The following SLC27A6 variants were observed in gnomAD, a reference collection of about 807,000 sequenced individuals.
SLC27A6 encodes the protein long-chain fatty acid transport protein 6.
In SLC27A6, 74 loss-of-function variants were observed where a neutral mutation model predicts 63.9. The ratio of observed to expected loss-of-function variants is 1.16; its 90% CI spans 0.96 to 1.40. SLC27A6 has a LOEUF of 1.40. SLC27A6 is among the 40% of genes most tolerant of loss of function. The pLI, the probability that SLC27A6 is intolerant of heterozygous loss-of-function variation, is 0.00. For missense variants in SLC27A6, 794 were observed against 732.9 expected (o/e 1.08, Z -0.96); for synonymous variants, 287 against 260.8 (o/e 1.10, Z -0.97).
intron 1 of SLC27A6, among the ~76,000 whole-genome samples, chr5:128,982,970 C>T (rs182226266): frequency 7.1e-4 from 108 of 152,256 alleles, no homozygotes; most frequent in Non-Finnish European, 1.2e-3. Context: ...TGCTTAGTCC[C>T]ACTTGACATA....
chr5:129,018,481 G>A (rs963042382), intron 5 of SLC27A6, among the ~76,000 whole-genome samples: 6 of 151,996 alleles, frequency 3.9e-5, no homozygotes, highest in African/African-American at 1.4e-4. Flanking sequence ...TTTTTATAAT[G>A]CATTCTTTTA....
chr5:129,022,216 C>G (rs910807170), intron 5 of SLC27A6, among the ~76,000 whole-genome samples: 4 of 152,184 alleles, frequency 2.6e-5, no homozygotes, highest in Non-Finnish European at 5.9e-5. Context: ...TTTGCTGCCT[C>G]TTTCATTGGC....
chr5:129,026,578 T>G (rs1435543543), intron 6 of SLC27A6, among the ~76,000 whole-genome samples: 2 of 152,094 alleles, frequency 1.3e-5, no homozygotes, highest in Non-Finnish European at 2.9e-5. Context: ...CATAAAAACT[T>G]GAATTTGAGT....
At chr5:128,995,994 A>T (rs1003178424) in intron 4 of SLC27A6, among the ~76,000 whole-genome samples, 7 of 151,670 alleles carry the variant, frequency 4.6e-5, no homozygotes, top group African/African-American at 1.7e-4. Context: ...ATTTGCTGAG[A>T]TGAAGAAAAC....
intron 9 of SLC27A6, among the ~76,000 whole-genome samples, chr5:129,031,673 A>G (rs755679464): frequency 6.6e-6 from 1 of 151,986 alleles, no homozygotes; most frequent in Non-Finnish European, 1.5e-5. Flanking sequence ...AATAAGGGCA[A>G]AGTTAATTAA....
chr5:129,006,173 C>T (rs181437042), intron 4 of SLC27A6, among the ~76,000 whole-genome samples: 2,589 of 145,556 alleles, frequency 0.018, 29 homozygotes, highest in African/African-American at 0.029. Flanking sequence ...CCACCTCCTC[C>T]GTTCACGCCA....
intron 2 of SLC27A6, 56 bp downstream of exon 2, chr5:128,985,392 A>C: frequency 1.4e-6 from 2 of 1,451,486 alleles, no homozygotes; most frequent in Non-Finnish European, 1.9e-6. Flanking sequence ...GCAAAGCAAC[A>C]GTGTTGGGCA....
At chr5:128,995,686 C>T (rs1031747997) in intron 4 of SLC27A6, among the ~76,000 whole-genome samples, 2 of 152,070 alleles carry the variant, frequency 1.3e-5, no homozygotes, top group Middle Eastern at 3.2e-3. Context: ...AAAGGAAGAG[C>T]CCCACAGAAA....
chr5:128,997,761 C>G (rs2150140334), intron 4 of SLC27A6, among the ~76,000 whole-genome samples: 1 of 152,188 alleles, frequency 6.6e-6, no homozygotes, highest in African/African-American at 2.4e-5. Context: ...TGTAGGAAAC[C>G]ATCTGATAGT....
intron 4 of SLC27A6, among the ~76,000 whole-genome samples, chr5:128,993,371 CTTTG>C (rs1041633754): frequency 6.6e-6 from 1 of 152,136 alleles, no homozygotes; most frequent in Non-Finnish European, 1.5e-5. Flanking sequence ...CTCAATAATG[CTTTG>C]TTTGAACAAA....
chr5:129,016,081 T>G lies in SLC27A6; in HGVS notation c.1164+2T>G. 1 of 1,585,318 alleles carries G rather than the reference T, an allele frequency of 6.3e-7. No individual in the cohort carries two copies. The highest frequency in any genetic ancestry group is 8.6e-7 in the Non-Finnish European group (1 of 1,168,434). On this transcript the variant is annotated splice_donor_variant, in intron 5 of 9. Transcript: ENST00000262462. LOFTEE classifies it high-confidence loss of function. ...GGGAGAACAAATTTGTTTTACAAAG[T>G]AAGTACAGCATTTTCCTTATTAAAG...
chr5:129,012,106 G>A (rs972095947), intron 4 of SLC27A6, among the ~76,000 whole-genome samples: 1 of 150,864 alleles, frequency 6.6e-6, no homozygotes, highest in African/African-American at 2.4e-5. Flanking sequence ...ATAAAAATAC[G>A]TATTTTTACT....
chr5:128,996,315 A>G (rs1751158503), intron 4 of SLC27A6, among the ~76,000 whole-genome samples: 2 of 140,046 alleles, frequency 1.4e-5, no homozygotes, highest in Admixed American at 7.6e-5. Context: ...TAAAAATTAT[A>G]TCCCCTTTCC....
At position 129,022,313 on chromosome 5, in the gene SLC27A6, C is replaced by G. The variant is rs374526501; in HGVS notation, c.1165-1307C>G. Among the ~76,000 whole-genome samples, 3 of 152,284 alleles carry G rather than the reference C, an allele frequency of 2.0e-5. No homozygotes were observed. In the East Asian group the frequency reaches 5.8e-4, roughly 29 times the overall value. On this transcript the variant is annotated intron_variant, in intron 5 of 9. Transcript: ENST00000262462. The stretch of plus-strand genomic sequence containing the variant: ...AAATAGAACTCTTAAACACTTAGCA[C>G]AGTGTCCAGCATATAGTTGGTGCCC...
chr5:129,024,487 G>A (rs983484257), intron 6 of SLC27A6, among the ~76,000 whole-genome samples: 5 of 152,060 alleles, frequency 3.3e-5, no homozygotes, highest in African/African-American at 1.2e-4. Flanking sequence ...ATTAAGTGAG[G>A]TTATTGTGGA....
intron 1 of SLC27A6, among the ~76,000 whole-genome samples, chr5:128,973,657 G>A (rs1018887893): frequency 6.6e-6 from 1 of 152,178 alleles, no homozygotes; most frequent in Non-Finnish European, 1.5e-5. Flanking sequence ...AGAGTATCCC[G>A]AGTTTCCAGG....
intron 4 of SLC27A6, among the ~76,000 whole-genome samples, chr5:129,006,381 C>A (rs891115421): frequency 1.4e-4 from 22 of 151,814 alleles, no homozygotes; most frequent in African/African-American, 5.1e-4. Context: ...TGAGCCACCG[C>A]GCCCAGCCAC....
intron 4 of SLC27A6, among the ~76,000 whole-genome samples, chr5:129,014,862 G>GTCCTTTTA (rs1214685239): frequency 6.6e-6 from 1 of 152,122 alleles, no homozygotes; most frequent in African/African-American, 2.4e-5. Context: ...TCAATCACAT[G>GTCCTTTTA]TCCTTTTATC....
At chr5:129,018,582 T>TTACGG (rs2150151270) in intron 5 of SLC27A6, among the ~76,000 whole-genome samples, 1 of 152,226 alleles carries the variant, frequency 6.6e-6, no homozygotes, top group African/African-American at 2.4e-5. Flanking sequence ...TTACTGAGTT[T>TTACGG]TACGTTCCTT....
Sources: allele counts gnomAD v4.1 joint callset (sites outside exome capture counted in the v4.1 genomes callset), GRCh38; gene constraint gnomAD v4.1.1; transcripts MANE v1.5; gene names NCBI Gene and HGNC (gene_info 2026-07-23, HGNC 2026-07-21).